COL25A1: variants seen among roughly 807,000 people sequenced by gnomAD.
COL25A1 encodes the protein collagen alpha-1(XXV) chain.
In COL25A1, 103 loss-of-function variants were observed where a neutral mutation model predicts 128.4. That is an observed-to-expected ratio of 0.80 (90% CI 0.68 to 0.94). The LOEUF is 0.94. Among genes scored for constraint, COL25A1 ranks in the 40% least tolerant of loss-of-function variants. The pLI is 0.00. For missense variants in COL25A1, 745 were observed against 840.0 expected, an observed-to-expected ratio of 0.89 and a Z score of 1.40; for synonymous variants, 279 against 277.2, an observed-to-expected ratio of 1.01 and a Z score of -0.06.
intron 3 of COL25A1, among the ~76,000 whole-genome samples, chr4:109,105,056 G>A (rs1560699987): frequency 6.6e-6 from 1 of 152,322 alleles, no homozygotes; most frequent in South Asian, 2.1e-4. Flanking sequence ...AATCCTGGTG[G>A]TAGGGGGAAG....
chr4:109,017,088 G>C (rs77936681), intron 5 of COL25A1, among the ~76,000 whole-genome samples: 1 of 152,200 alleles, frequency 6.6e-6, no homozygotes, highest in Non-Finnish European at 1.5e-5. Flanking sequence ...GTGTCTCCAA[G>C]TTTCTGGGCA....
chr4:108,840,229 C>T (rs1452965965), intron 31 of COL25A1, among the ~76,000 whole-genome samples: 8 of 117,118 alleles, frequency 6.8e-5, no homozygotes, highest in Admixed American at 1.1e-4. Flanking sequence ...GAAACAAGAG[C>T]GAAACGCCAT....
chr4:109,169,523 C>T (rs2126129278), intron 3 of COL25A1, among the ~76,000 whole-genome samples: 1 of 152,212 alleles, frequency 6.6e-6, no homozygotes, highest in African/African-American at 2.4e-5. Flanking sequence ...CTGTCTAATG[C>T]TTTATATAAG....
chr4:109,225,232 C>T (rs28647460), intron 3 of COL25A1, among the ~76,000 whole-genome samples: 70,996 of 151,960 alleles, frequency 0.47, 19,920 homozygotes, highest in African/African-American at 0.78. Context: ...AAAGTGTGCA[C>T]CTGACAAAAA....
At chr4:108,916,600 A>T (rs1028389952) in intron 13 of COL25A1, among the ~76,000 whole-genome samples, 1 of 151,608 alleles carries the variant, frequency 6.6e-6, no homozygotes, top group Non-Finnish European at 1.5e-5. Context: ...CACCAATGTC[A>T]AAAACAACAT....
chr4:109,051,771 G>A (rs1346937128), intron 3 of COL25A1, among the ~76,000 whole-genome samples: 1 of 152,028 alleles, frequency 6.6e-6, no homozygotes, highest in African/African-American at 2.4e-5. Flanking sequence ...TGGTTCACAT[G>A]GTAGGACCAT....
intron 8 of COL25A1, among the ~76,000 whole-genome samples, chr4:108,972,148 G>T (rs1751978889): frequency 6.6e-6 from 1 of 152,134 alleles, no homozygotes; most frequent in Non-Finnish European, 1.5e-5. Flanking sequence ...GAGCTGACAT[G>T]ATGGAGTTTG....
intron 24 of COL25A1, 34 bp from the exon 25 acceptor site, chr4:108,852,959 A>G (rs761763886): frequency 6.3e-7 from 1 of 1,595,854 alleles, no homozygotes; most frequent in Admixed American, 1.7e-5. Context: ...AGACAGAGTT[A>G]TCTATTTTGT....
chr4:108,904,829 A>G (rs537630683), intron 13 of COL25A1, among the ~76,000 whole-genome samples: 2 of 152,248 alleles, frequency 1.3e-5, no homozygotes, highest in South Asian at 4.1e-4. Context: ...TCCCAGTATG[A>G]CCATTCCAAA....
At chr4:109,254,567 C>A (rs1204225585) in intron 3 of COL25A1, among the ~76,000 whole-genome samples, 1 of 141,784 alleles carries the variant, frequency 7.1e-6, no homozygotes, top group African/African-American at 2.6e-5. Flanking sequence ...TAATACATGC[C>A]CCCTCATCTT....
chr4:108,954,728 T>G (rs903983012), intron 8 of COL25A1, among the ~76,000 whole-genome samples: 1 of 152,052 alleles, frequency 6.6e-6, no homozygotes. Context: ...TATGGTTACA[T>G]GAATTAATTC....
intron 36 of COL25A1, among the ~76,000 whole-genome samples, chr4:108,818,770 T>C (rs1446836436): frequency 1.3e-5 from 2 of 152,122 alleles, no homozygotes; most frequent in African/African-American, 2.4e-5. Context: ...TTCTCTTGAA[T>C]TGGTTAACAC....
At chr4:108,930,753 C>T (rs939998588) in intron 11 of COL25A1, among the ~76,000 whole-genome samples, 6 of 152,184 alleles carry the variant, frequency 3.9e-5, no homozygotes, top group Admixed American at 3.9e-4. Context: ...TCCAAGTCAT[C>T]ATGAGAATAT....
At chr4:109,089,342 C>T (rs1764701422) in intron 3 of COL25A1, among the ~76,000 whole-genome samples, 1 of 152,098 alleles carries the variant, frequency 6.6e-6, no homozygotes, top group African/African-American at 2.4e-5. Context: ...ACTAGAATGC[C>T]CACCTCATAG....
At chr4:108,941,299 G>T in intron 9 of COL25A1, 67 bp downstream of exon 9, 1 of 1,292,330 alleles carries the variant, frequency 7.7e-7, no homozygotes, top group Non-Finnish European at 1.1e-6. Context: ...AAATCGTAAA[G>T]CAATAGGTAC....
intron 3 of COL25A1, among the ~76,000 whole-genome samples, chr4:109,146,207 A>C (rs1227302515): frequency 6.6e-6 from 1 of 152,220 alleles, no homozygotes. Context: ...TTAAGAAGTA[A>C]CTGTTAAGTA....
chr4:108,853,050 G>T, intron 24 of COL25A1, 125 bp from the exon 25 acceptor site: 2 of 753,554 alleles, frequency 2.7e-6, no homozygotes, highest in Non-Finnish European at 4.4e-6. Flanking sequence ...AAAAGGATTT[G>T]ACAAGATACT....
chr4:108,954,946 T>TTC (rs1749890995), intron 8 of COL25A1, among the ~76,000 whole-genome samples: 1 of 137,708 alleles, frequency 7.3e-6, no homozygotes. Flanking sequence ...GTTATAAATC[T>TTC]TTTTTTTTTT....
At chr4:109,023,489 A>G (rs1757951683) in intron 5 of COL25A1, among the ~76,000 whole-genome samples, 1 of 152,252 alleles carries the variant, frequency 6.6e-6, no homozygotes, top group Admixed American at 6.5e-5. Context: ...AGAATTGGAC[A>G]TTGATAAAGA....
Sources: gnomAD v4.1 joint callset for allele counts (sites outside exome capture counted in the v4.1 genomes callset) on GRCh38, gnomAD v4.1.1 for gene constraint, MANE v1.5 for transcripts, NCBI Gene and HGNC (gene_info 2026-07-23, HGNC 2026-07-21) for gene names.